SPRED1: variants seen among roughly 807,000 people sequenced by gnomAD.
The protein encoded by SPRED1 is sprouty-related, EVH1 domain-containing protein 1.
Under a neutral mutation model 52.3 loss-of-function variants are expected in SPRED1, and 18 were observed. That is an observed-to-expected ratio of 0.34 (90% confidence interval 0.24 to 0.51). SPRED1 has a LOEUF of 0.51. SPRED1 is among the 20% of genes least tolerant of loss of function. The pLI is 0.97. For missense variants in SPRED1, 485 were observed against 551.0 expected (o/e 0.88, Z 1.20); for synonymous variants, 155 against 179.7 (o/e 0.86, Z 1.10).
At chr15:38,302,348 G>A (rs1237917430) in intron 2 of SPRED1, among the ~76,000 whole-genome samples, 1 of 151,786 alleles carries the variant, frequency 6.6e-6, no homozygotes, top group Non-Finnish European at 1.5e-5. Context: ...GTCTTGTTAC[G>A]ATTCCCAGAA....
At chr15:38,332,325 G>A (rs1051137757) in intron 4 of SPRED1, among the ~76,000 whole-genome samples, 3 of 152,118 alleles carry the variant, frequency 2.0e-5, no homozygotes, top group African/African-American at 7.2e-5. Flanking sequence ...TGTAATCCCA[G>A]CAGTTTGGGA....
intron 2 of SPRED1, among the ~76,000 whole-genome samples, chr15:38,304,516 C>T (rs902005353): frequency 1.3e-5 from 2 of 152,180 alleles, no homozygotes; most frequent in Admixed American, 1.3e-4. Context: ...AGTTATTAGT[C>T]TATCACCCAC....
chr15:38,343,905 C>G (rs1239243251), intron 5 of SPRED1, among the ~76,000 whole-genome samples: 1 of 151,772 alleles, frequency 6.6e-6, no homozygotes. Context: ...TGTATGTTAT[C>G]CAAATTTATT....
intron 2 of SPRED1, among the ~76,000 whole-genome samples, chr15:38,321,088 A>G (rs1895593213): frequency 6.6e-6 from 1 of 152,220 alleles, no homozygotes; most frequent in African/African-American, 2.4e-5. Context: ...ATTACATAAG[A>G]GAATAGTATT....
At chr15:38,257,539 G>C (rs1322983484) in intron 1 of SPRED1, among the ~76,000 whole-genome samples, 1 of 152,054 alleles carries the variant, frequency 6.6e-6, no homozygotes, top group Non-Finnish European at 1.5e-5. Context: ...AAATAACTTA[G>C]ATCAGGCTTA....
In SPRED1 at chr15:38,355,155, CATGT is replaced by C. The variant is rs1888587808; in HGVS notation, c.*3492_*3495del. 1 of 152,208 alleles carries C rather than the reference CATGT, an allele frequency of 6.6e-6. No individual in the cohort carries two copies. Among genetic ancestry groups the C allele is most frequent in the Admixed American group, 6.5e-5 (1 of 15,270 alleles). The allele number at this position is 152,208 out of a possible 1,614,324, so 9.4% of individuals were successfully genotyped here. A position where few individuals can be genotyped will look rare whatever the true frequency, so the allele number is the denominator to read the frequency against. On this transcript the variant is annotated 3_prime_UTR_variant, in exon 7 of 7. Transcript: ENST00000299084. ...TATTTTAGTAGAGATGGGGTTTCACCATGTTGGCCAGGCTGGTCTTGAACTCCTG... is the reference window on the plus strand; with the variant it reads ...TATTTTAGTAGAGATGGGGTTTCACCTGGCCAGGCTGGTCTTGAACTCCTG...
intron 2 of SPRED1, among the ~76,000 whole-genome samples, chr15:38,317,747 G>A (rs1362125574): frequency 6.7e-6 from 1 of 149,194 alleles, no homozygotes; most frequent in Non-Finnish European, 1.5e-5. Context: ...TGTAGATTTA[G>A]TTCTCATCAG....
intron 5 of SPRED1, among the ~76,000 whole-genome samples, chr15:38,347,267 T>C (rs1471742557): frequency 6.6e-6 from 1 of 152,056 alleles, no homozygotes. Context: ...CCGCACTGTT[T>C]ATTGGAGCCT....
At chr15:38,340,996 T>A (rs1288378106) in intron 5 of SPRED1, among the ~76,000 whole-genome samples, 2 of 4,378 alleles carry the variant, frequency 4.6e-4, no homozygotes, top group African/African-American at 3.0e-4. Flanking sequence ...TGGGCCTGGA[T>A]TTTTTTTTTT....
At position 38,352,794 on chromosome 15, in the gene SPRED1, T is replaced by C. The variant is rs962772378; in HGVS notation, c.*1130T>C. Reference sequence around the variant, plus strand: ...CTTATTATTTACATAACAATAACTTTTTATCAGTTACATTTTATTTTTATT... The same window carrying C: ...CTTATTATTTACATAACAATAACTTCTTATCAGTTACATTTTATTTTTATT... On this transcript the variant is annotated 3_prime_UTR_variant, in exon 7 of 7. Coordinates refer to ENST00000299084, the MANE Select transcript of SPRED1 (RefSeq NM_152594.3). 1 of 152,150 alleles carries C rather than the reference T, an allele frequency of 6.6e-6. No individual in the cohort carries two copies. Among genetic ancestry groups the C allele is most frequent in the African/African-American group, 2.4e-5 (1 of 41,462 alleles). 9.4% of individuals were successfully genotyped at this position (152,150 alleles called of 1,614,324 possible). A position where few individuals can be genotyped will look rare whatever the true frequency, so the allele number is the denominator to read the frequency against.
chr15:38,338,038 TAAAAAAAA>T (rs66632536), intron 4 of SPRED1, among the ~76,000 whole-genome samples: 1 of 88,912 alleles, frequency 1.1e-5, no homozygotes, highest in African/African-American at 4.5e-5. Context: ...CCATTGCTAC[TAAAAAAAA>T]AAAAAAAAAA....
At position 38,253,528 on chromosome 15, in the gene SPRED1, C is replaced by G. The variant is rs1465628971; in HGVS notation, c.32+311C>G. Among the ~76,000 whole-genome samples the G allele has an allele frequency of 2.0e-5, 3 of 152,232 alleles. No homozygotes were observed. In the East Asian group the frequency reaches 5.8e-4, roughly 29 times the overall value. On this transcript the variant is annotated intron_variant, in intron 1 of 6. Transcript: ENST00000299084. ...AACTACCCCTTTGCCTGTGAGACCC[C>G]TGTCCCGTCCTTTTTCACTCACATA...
chr15:38,335,508 A>G (rs1252918831), intron 4 of SPRED1, among the ~76,000 whole-genome samples: 1 of 152,074 alleles, frequency 6.6e-6, no homozygotes, highest in East Asian at 1.9e-4. Context: ...TTATTGACAT[A>G]AAGACATATT....
At chr15:38,344,049 AT>A (rs1179715877) in intron 5 of SPRED1, among the ~76,000 whole-genome samples, 1 of 152,160 alleles carries the variant, frequency 6.6e-6, no homozygotes, top group African/African-American at 2.4e-5. Context: ...TTCGCTAGAG[AT>A]TTTGAGATAT....
chr15:38,267,943 T>G (rs1479887640), intron 1 of SPRED1, among the ~76,000 whole-genome samples: 2 of 152,232 alleles, frequency 1.3e-5, no homozygotes, highest in African/African-American at 2.4e-5. Context: ...TTTAAAAAGC[T>G]TTCCATCTTT....
intron 1 of SPRED1, among the ~76,000 whole-genome samples, chr15:38,267,826 T>G (rs1202783422): frequency 2.0e-5 from 3 of 152,232 alleles, no homozygotes; most frequent in Non-Finnish European, 2.9e-5. Context: ...TCAGACTTTT[T>G]GACTGCATCA....
At chr15:38,330,691 C>T (rs749388362) in intron 4 of SPRED1, among the ~76,000 whole-genome samples, 2 of 152,066 alleles carry the variant, frequency 1.3e-5, no homozygotes, top group Admixed American at 6.6e-5. Flanking sequence ...TAAACCACTT[C>T]TGTCATTTAA....
chr15:38,289,996 G>GT (rs575259322), intron 1 of SPRED1, among the ~76,000 whole-genome samples: 1 of 152,094 alleles, frequency 6.6e-6, no homozygotes, highest in African/African-American at 2.4e-5. Flanking sequence ...TGTTCATGGT[G>GT]TTTTTACCAT....
intron 1 of SPRED1, among the ~76,000 whole-genome samples, chr15:38,274,625 C>T (rs981196552): frequency 1.3e-5 from 2 of 152,166 alleles, no homozygotes; most frequent in Non-Finnish European, 2.9e-5. Context: ...TGGCAATATT[C>T]GTATCTATTG....
Sources: gnomAD v4.1 joint callset for allele counts (sites outside exome capture counted in the v4.1 genomes callset) on GRCh38, gnomAD v4.1.1 for gene constraint, MANE v1.5 for transcripts, NCBI Gene and HGNC (gene_info 2026-07-23, HGNC 2026-07-21) for gene names.